The following DNM2 variants were observed in gnomAD, a reference collection of about 807,000 sequenced individuals.
DNM2 encodes dynamin-2.
Under a neutral mutation model 99.0 loss-of-function variants are expected in DNM2, and 15 were observed. The observed-to-expected ratio is 0.15, with a 90% confidence interval of 0.10 to 0.23. The LOEUF (loss-of-function observed/expected upper bound fraction) is 0.23, where lower values mean the gene tolerates loss of function less well. Among genes scored for constraint, DNM2 ranks in the 10% least tolerant of loss-of-function variants. DNM2 has a pLI of 1.00. For missense variants in DNM2, 742 were observed against 1,189.4 expected, an observed-to-expected ratio of 0.62 and a Z score of 5.53; for synonymous variants, 525 against 481.2, an observed-to-expected ratio of 1.09 and a Z score of -1.19.
intron 12 of DNM2, chr19:10,802,599 AG>A: frequency 1.7e-6 from 1 of 595,066 alleles, no homozygotes; most frequent in Non-Finnish European, 3.1e-6. Flanking sequence ...GGGAGAGGGC[AG>A]TGCTATGTTC....
chr19:10,744,132 G>A (rs1599461694), intron 1 of DNM2, among the ~76,000 whole-genome samples: 2 of 152,010 alleles, frequency 1.3e-5, no homozygotes, highest in East Asian at 1.9e-4. Context: ...CACTTCGGCT[G>A]GGGTGACAGA....
chr19:10,754,289 C>T, intron 1 of DNM2, among the ~76,000 whole-genome samples: 1 of 149,886 alleles, frequency 6.7e-6, no homozygotes, highest in South Asian at 2.1e-4. Flanking sequence ...CGGAGTCTCA[C>T]TCTGTTGCCA....
chr19:10,766,969 G>A (rs1314061930), intron 2 of DNM2, among the ~76,000 whole-genome samples: 3 of 152,158 alleles, frequency 2.0e-5, no homozygotes, highest in South Asian at 2.1e-4. Flanking sequence ...GTGACAGTGG[G>A]GGTGTGTGTG....
chr19:10,758,809 A>G (rs2070515870), intron 1 of DNM2, among the ~76,000 whole-genome samples: 3 of 152,100 alleles, frequency 2.0e-5, no homozygotes, highest in African/African-American at 4.8e-5. Context: ...GGCCTCCCCA[A>G]AGTGCTGAGG....
rs1217356413 is a variant in DNM2 at position 10,820,103 on chromosome 19, GGGCCTGGGGAT to G, written c.1781+18_1781+28del. ...CACGGAGCAGAGGTGAGGGGCCCAG[GGGCCTGGGGAT>G]GGCTCGGGGTGAAGACCAATGGCCT... On this transcript the variant is annotated intron_variant, in intron 16 of 20. Transcript: ENST00000389253. The surrounding 1 kb of genome is among the most constrained non-coding windows in gnomAD (Gnocchi z 4.3). The G allele has an allele frequency of 6.2e-7, 1 of 1,613,870 alleles. No individual in the cohort carries two copies. Among genetic ancestry groups the G allele is most frequent in the Non-Finnish European group, 8.5e-7 (1 of 1,179,854 alleles).
chr19:10,738,478 A>G (rs2069613176), intron 1 of DNM2, among the ~76,000 whole-genome samples: 2 of 151,080 alleles, frequency 1.3e-5, no homozygotes, highest in East Asian at 2.0e-4. Context: ...CAAAAAAAAC[A>G]GGGGAGGGAG....
At chr19:10,729,426 G>A (rs919308686) in intron 1 of DNM2, among the ~76,000 whole-genome samples, 9 of 152,220 alleles carry the variant, frequency 5.9e-5, no homozygotes, top group African/African-American at 1.4e-4. Flanking sequence ...ATTGGGTGGG[G>A]GAATGGCTGC....
intron 15 of DNM2, among the ~76,000 whole-genome samples, chr19:10,819,089 G>A (rs763403458): frequency 4.6e-5 from 7 of 152,154 alleles, no homozygotes; most frequent in Non-Finnish European, 8.8e-5. Flanking sequence ...CTGGACAGCC[G>A]TGGCTGGCAC....
intron 1 of DNM2, among the ~76,000 whole-genome samples, chr19:10,721,338 G>A (rs2068932993): frequency 6.6e-6 from 1 of 152,108 alleles, no homozygotes; most frequent in Non-Finnish European, 1.5e-5. Context: ...TGTATTTTTA[G>A]CAGAGATGGG....
chr19:10,793,968 A>T (rs1415664214), intron 8 of DNM2, 113 bp downstream of exon 8: 1 of 1,558,534 alleles, frequency 6.4e-7, no homozygotes, highest in East Asian at 2.2e-5. Flanking sequence ...TCTAGGCCTG[A>T]ACTTGTGGTG....
At chr19:10,789,249 A>G (rs991573896) in intron 7 of DNM2, among the ~76,000 whole-genome samples, 1 of 152,170 alleles carries the variant, frequency 6.6e-6, no homozygotes, top group African/African-American at 2.4e-5. Context: ...GATTCAGCCT[A>G]CTAGACTGAA....
Position 10,819,985 on chromosome 19 carries a change from A to G in DNM2, c.1677A>G (p.Lys559=). The change falls in exon 16 of 21, where the codon AAA becomes AAG. Residue 559 remains lysine (K), a synonymous_variant. Transcript: ENST00000389253. The part of the protein sequence containing the change: ...SLSWYKDEEE[K]EKKYMLPLDN... ...TCTTTTCCCTCCACCCTCAGGAGAA[A>G]GAGAAGAAGTACATGCTGCCTCTGG... is the stretch of plus-strand genomic sequence containing the variant. 1 of 1,614,170 alleles carries G rather than the reference A, an allele frequency of 6.2e-7. No homozygotes were observed.
chr19:10,731,953 AT>A lies in DNM2; in HGVS notation c.161+13568del, dbSNP rs1393753614. Among the ~76,000 whole-genome samples, 453 of 132,464 alleles carry A rather than the reference AT, an allele frequency of 3.4e-3. 2 individuals carry two copies. Among genetic ancestry groups the A allele is most frequent in the African/African-American group, 5.6e-3 (199 of 35,826 alleles). The allele number at this position is 132,464 out of a possible 152,430, so 86.9% of individuals were successfully genotyped here. A position where few individuals can be genotyped will look rare whatever the true frequency, so the allele number is the denominator to read the frequency against. On this transcript the variant is annotated intron_variant, in intron 1 of 20. Transcript: ENST00000389253. Reference sequence around the variant, plus strand: ...GGGTGAAAATTGATGCACAGGCTTGATTTTTTTTTTTTTTTTTTGAGACGGA... The same window carrying A: ...GGGTGAAAATTGATGCACAGGCTTGATTTTTTTTTTTTTTTTTGAGACGGA...
intron 1 of DNM2, chr19:10,754,983 C>G (rs1016944137): frequency 6.6e-6 from 1 of 152,216 alleles, no homozygotes; most frequent in Non-Finnish European, 1.5e-5. Flanking sequence ...CCTCCTGCCC[C>G]TTCTAGTCCA....
chr19:10,808,256 C>T (rs1198386882), intron 13 of DNM2, among the ~76,000 whole-genome samples: 1 of 152,176 alleles, frequency 6.6e-6, no homozygotes, highest in East Asian at 1.9e-4. Context: ...CCACCATGTA[C>T]CTTGCACGAT....
rs977692794 is a variant in DNM2, at chr19:10,820,449, C to T, written c.1781+360C>T. Among the ~76,000 whole-genome samples the T allele has an allele frequency of 6.6e-5, 10 of 152,176 alleles. No homozygotes were observed. The highest frequency in any genetic ancestry group is 2.1e-4 in the South Asian group (1 of 4,828). On this transcript the variant is annotated intron_variant, in intron 16 of 20. Coordinates refer to ENST00000389253, the MANE Select transcript of DNM2 (RefSeq NM_001005361.3). The surrounding 1 kb of genome is among the most constrained non-coding windows in gnomAD (Gnocchi z 4.3). Reference sequence around the variant, plus strand: ...AGAGATGGGGGACGAGGGCAAAGGCCGCTGCCTTGTCCAAGTGGGCGATGA... The same window carrying T: ...AGAGATGGGGGACGAGGGCAAAGGCTGCTGCCTTGTCCAAGTGGGCGATGA...
rs991479143 is a variant in DNM2, at chr19:10,817,954, G to A, written c.1672-2026G>A. 1.3e-5 allele frequency among the ~76,000 whole-genome samples: 2 copies of A among 152,136 alleles called. No individual in the cohort carries two copies. Among genetic ancestry groups the A allele is most frequent in the African/African-American group, 4.8e-5 (2 of 41,426 alleles). ...ACTCAGTTACTTGGCCCTGCTGGCT[G>A]GAAGCTTCCGGCCGCGTGATATGAT... On this transcript the variant is annotated intron_variant, in intron 15 of 20. Coordinates refer to ENST00000389253, the MANE Select transcript of DNM2 (RefSeq NM_001005361.3). The surrounding 1 kb of genome is among the most constrained non-coding windows in gnomAD (Gnocchi z 4.6).
At chr19:10,734,007 C>CAAAAA (rs1204483868) in intron 1 of DNM2, among the ~76,000 whole-genome samples, 3 of 147,012 alleles carry the variant, frequency 2.0e-5, no homozygotes, top group African/African-American at 7.6e-5. Context: ...GACTCCATCT[C>CAAAAA]AAAAAATAAA....
At chr19:10,806,882 G>T (rs2072354756) in intron 13 of DNM2, among the ~76,000 whole-genome samples, 1 of 152,108 alleles carries the variant, frequency 6.6e-6, no homozygotes, top group Admixed American at 6.5e-5. Context: ...CAGCCCCAGG[G>T]ATTGGGAGCC....
Sources: gnomAD v4.1 joint callset for allele counts (sites outside exome capture counted in the v4.1 genomes callset) on GRCh38, gnomAD v4.1.1 for gene constraint, Gnocchi (gnomAD v3.1) non-coding constraint, MANE v1.5 for transcripts, NCBI Gene and HGNC (gene_info 2026-07-23, HGNC 2026-07-21) for gene names.